The following BAHCC1 variants were observed in gnomAD, a reference collection of about 807,000 sequenced individuals.
The protein encoded by BAHCC1 is BAH and coiled-coil domain-containing protein 1.
A neutral mutation model predicts 88.2 loss-of-function variants in BAHCC1; 43 were observed. That is an observed-to-expected ratio of 0.49 (90% confidence interval 0.38 to 0.63). The LOEUF is 0.63. BAHCC1 is among the 20% of genes least tolerant of loss of function. BAHCC1 has a pLI of 0.00. For missense variants in BAHCC1, 3,023 were observed against 1,654.8 expected (o/e 1.83, Z -14.34); for synonymous variants, 1,510 against 745.5 (o/e 2.03, Z -16.71).
At position 81,399,579 on chromosome 17, in the gene BAHCC1, G is replaced by A. The variant is rs782299639; in HGVS notation, c.-161G>A. On this transcript the variant is annotated 5_prime_UTR_variant, in exon 2 of 28. Transcript: ENST00000675386. The surrounding 1 kb of genome is among the most constrained non-coding windows in gnomAD (Gnocchi z 4.5). ...CCGCTGGCTCGGTGCGCGGCCGCCC[G>A]CCGAGAAGCCCAGTCCTCCCGCGTG... is the stretch of plus-strand genomic sequence containing the variant. 2 of 452,766 alleles carry A rather than the reference G, an allele frequency of 4.4e-6. No individual in the cohort carries two copies. Among genetic ancestry groups the A allele is most frequent in the Admixed American group, 3.1e-5 (1 of 32,754 alleles). The allele number at this position is 452,766 out of a possible 1,614,324, so 28.0% of individuals were successfully genotyped here.
At chr17:81,437,177 G>A (rs548353610) in intron 3 of BAHCC1, among the ~76,000 whole-genome samples, 19 of 152,308 alleles carry the variant, frequency 1.2e-4, no homozygotes, top group South Asian at 4.1e-4. Context: ...GCCCAGCTGC[G>A]TTCATTCCGG....
At chr17:81,448,622 G>A (rs782545035) in intron 11 of BAHCC1, among the ~76,000 whole-genome samples, 3 of 152,214 alleles carry the variant, frequency 2.0e-5, no homozygotes, top group Non-Finnish European at 2.9e-5. Flanking sequence ...TTCAGGGCTC[G>A]GCCGCTGCTT....
intron 2 of BAHCC1, among the ~76,000 whole-genome samples, chr17:81,404,462 A>T (rs1431165764): frequency 2.0e-5 from 3 of 152,030 alleles, no homozygotes; most frequent in African/African-American, 7.2e-5. Context: ...CAGAGTGGGG[A>T]GGGGATGCCG....
intron 2 of BAHCC1, among the ~76,000 whole-genome samples, chr17:81,403,529 T>G (rs1303461669): frequency 1.3e-5 from 2 of 149,400 alleles, no homozygotes; most frequent in African/African-American, 5.0e-5. Context: ...AACCAAAAAA[T>G]ACCCCCAACT....
chr17:81,440,216 A>G (rs1351560944), intron 4 of BAHCC1, among the ~76,000 whole-genome samples: 1 of 152,142 alleles, frequency 6.6e-6, no homozygotes, highest in African/African-American at 2.4e-5. Flanking sequence ...GCGTGCAGTT[A>G]TTTTGACAGT....
intron 4 of BAHCC1, among the ~76,000 whole-genome samples, chr17:81,440,402 G>T (rs1191640665): frequency 1.3e-5 from 2 of 152,226 alleles, no homozygotes; most frequent in South Asian, 4.1e-4. Flanking sequence ...ATTAGGTTTC[G>T]CTGGGGCTAG....
rs532807596 is a variant in BAHCC1, at chr17:81,436,447, T to C, written c.359-1923T>C. 3.9e-4 allele frequency among the ~76,000 whole-genome samples: 59 copies of C among 152,288 alleles called. No homozygotes were observed. The South Asian group carries it at 0.011, about 29-fold the overall frequency. The stretch of plus-strand genomic sequence containing the variant: ...CCGGGGCTCCGTGCCTGGGAAACGG[T>C]GTCTGGGAAGGAGGAATTTACAGAC... On this transcript the variant is annotated intron_variant, in intron 3 of 27. Transcript: ENST00000675386.
At chr17:81,424,891 GTAA>G (rs1376267559) in intron 2 of BAHCC1, among the ~76,000 whole-genome samples, 2 of 151,602 alleles carry the variant, frequency 1.3e-5, no homozygotes, top group African/African-American at 4.9e-5. Context: ...TGATGTGGTA[GTAA>G]TGTGGTTGGT....
chr17:81,451,260 A>G (rs1246863241), intron 11 of BAHCC1: 6 of 193,578 alleles, frequency 3.1e-5, no homozygotes, highest in Non-Finnish European at 3.2e-5. Flanking sequence ...CTCTCGTAGC[A>G]CTGCCTGTGT....
rs967290068 is a variant in BAHCC1 at position 81,434,314 on chromosome 17, G to A, written c.359-4056G>A. 5.9e-5 allele frequency among the ~76,000 whole-genome samples: 9 copies of A among 152,294 alleles called. No homozygotes were observed. The highest frequency in any genetic ancestry group is 3.9e-4 in the East Asian group (2 of 5,178). ...TGACCCACTGCCCGCCCAGCCAGGCGCATGTGGGAGCCGAGGTGGTACTGC... is the reference window on the plus strand; with the variant it reads ...TGACCCACTGCCCGCCCAGCCAGGCACATGTGGGAGCCGAGGTGGTACTGC... On this transcript the variant is annotated intron_variant, in intron 3 of 27. Transcript: ENST00000675386. The surrounding 1 kb of genome is among the most constrained non-coding windows in gnomAD (Gnocchi z 4.9).
At position 81,395,480 on chromosome 17, in the gene BAHCC1, C is replaced by CGCT. The variant is rs2063737816; in HGVS notation, c.-362_-361insGCT. On this transcript the variant is annotated 5_prime_UTR_variant, in exon 1 of 28. Transcript: ENST00000675386. ...CCGCGCCAGGCTGCAGGTTTGAGAG[C>CGCT]CGCTCTGGATGGGCTCGCTAGAGTC... 1 of 152,248 alleles carries CGCT rather than the reference C, an allele frequency of 6.6e-6. No individual in the cohort carries two copies. The highest frequency in any genetic ancestry group is 2.4e-5 in the African/African-American group (1 of 41,454). 9.4% of individuals were successfully genotyped at this position (152,248 alleles called of 1,614,324 possible). A position where few individuals can be genotyped will look rare whatever the true frequency, so the allele number is the denominator to read the frequency against.
At chr17:81,398,885 C>G (rs1190876590) in intron 1 of BAHCC1, among the ~76,000 whole-genome samples, 2 of 149,244 alleles carry the variant, frequency 1.3e-5, no homozygotes, top group African/African-American at 5.0e-5. Context: ...GAAGAATGGG[C>G]CGAAAGATGC....
At chr17:81,438,545 G>A in intron 4 of BAHCC1, 53 bp downstream of exon 4, 1 of 732,526 alleles carries the variant, frequency 1.4e-6, no homozygotes, top group Non-Finnish European at 2.5e-6. Context: ...AGGTGGGGAG[G>A]GGGCGCAGGA....
At position 81,399,449 on chromosome 17, in the gene BAHCC1, G is replaced by A. The variant is rs1309299025; in HGVS notation, c.-206-85G>A. 3 of 163,468 alleles carry A rather than the reference G, an allele frequency of 1.8e-5. No homozygotes were observed. The highest frequency in any genetic ancestry group is 9.7e-5 in the South Asian group (1 of 10,310). The allele number at this position is 163,468 out of a possible 1,614,324, so 10.1% of individuals were successfully genotyped here. A position where few individuals can be genotyped will look rare whatever the true frequency, so the allele number is the denominator to read the frequency against. On this transcript the variant is annotated intron_variant, in intron 1 of 27. Transcript: ENST00000675386. This position sits in a 1 kb window ranked among gnomAD's most constrained non-coding sequence, Gnocchi z 4.5. ...GGGCCGGCGGGGGTGGGGGGTGGGG[G>A]GAGTGGGTGAGCGGGCGGGGCGGGG...
At chr17:81,414,444 C>T (rs561503554) in intron 2 of BAHCC1, among the ~76,000 whole-genome samples, 12 of 152,300 alleles carry the variant, frequency 7.9e-5, no homozygotes, top group East Asian at 3.9e-4. Flanking sequence ...TAGGAGCTGC[C>T]GGACCTCACC....
At chr17:81,452,689 A>G (rs1335432785) in intron 13 of BAHCC1, 34 bp from the exon 14 acceptor site, 4 of 726,550 alleles carry the variant, frequency 5.5e-6, no homozygotes, top group Middle Eastern at 2.3e-4. Flanking sequence ...TGGGTTGTGC[A>G]TGAGCCTCTG....
At position 81,461,061 on chromosome 17, in the gene BAHCC1, G is replaced by A. The variant is rs782803672; in HGVS notation, c.6398G>A (p.Arg2133Gln). The stretch of plus-strand genomic sequence containing the variant: ...CTCAACGGCAGCAGCAAGAAGCTGC[G>A]GGCCCGCGAGGCCCTGTTCCCCGTG... Reference protein sequence around the residue: ...FQLNGSSKKLRAREALFPVHS... With the variant: ...FQLNGSSKKLQAREALFPVHS... Residue 2133 changes from arginine to glutamine, a missense_variant, in exon 26 of 28, where the codon CGG becomes CAG. Coordinates refer to ENST00000675386, the MANE Select transcript of BAHCC1 (RefSeq NM_001377448.1). 16 of 770,416 alleles carry A rather than the reference G, an allele frequency of 2.1e-5. 1 individual carries two copies. The highest frequency in any genetic ancestry group is 9.4e-5 in the South Asian group (7 of 74,326). The allele number at this position is 770,416 out of a possible 1,614,324, so 47.7% of individuals were successfully genotyped here.
chr17:81,399,760 G>A lies in BAHCC1; in HGVS notation c.21G>A (p.Ala7=), dbSNP rs1414976219. 16 of 1,191,634 alleles carry A rather than the reference G, an allele frequency of 1.3e-5. No homozygotes were observed. In the African/African-American group the frequency reaches 1.4e-4, roughly 11 times the overall value. 73.8% of individuals were successfully genotyped at this position (1,191,634 alleles called of 1,614,324 possible). A position where few individuals can be genotyped will look rare whatever the true frequency, so the allele number is the denominator to read the frequency against. The change falls in exon 2 of 28, where the codon GCG becomes GCA. Residue 7 remains alanine (A), a synonymous_variant. Coordinates refer to ENST00000675386, the MANE Select transcript of BAHCC1 (RefSeq NM_001377448.1). The surrounding 1 kb of genome is among the most constrained non-coding windows in gnomAD (Gnocchi z 4.5). Reference sequence around the variant, plus strand: ...CCGGCATGGATGGCCGCGACTTTGCGCCGCCGCCGCATCTGCTGTCGGAGC... The same window carrying A: ...CCGGCATGGATGGCCGCGACTTTGCACCGCCGCCGCATCTGCTGTCGGAGC... MDGRDF[A]PPPHLLSERG...
intron 13 of BAHCC1, 145 bp from the exon 14 acceptor site, chr17:81,452,578 G>C: frequency 1.8e-6 from 1 of 541,938 alleles, no homozygotes; most frequent in Non-Finnish European, 3.2e-6. Flanking sequence ...TGCCCTCTGC[G>C]TGAGGGGTCA....
Sources: allele counts gnomAD v4.1 joint callset (sites outside exome capture counted in the v4.1 genomes callset), GRCh38; gene constraint gnomAD v4.1.1; non-coding constraint Gnocchi (gnomAD v3.1); transcripts MANE v1.5; gene names NCBI Gene and HGNC (gene_info 2026-07-23, HGNC 2026-07-21).